RPL7: variants seen among roughly 807,000 people sequenced by gnomAD.
RPL7 encodes the protein large ribosomal subunit protein uL30.
For synonymous variants in RPL7, 100 were observed against 102.2 expected (o/e 0.98, Z 0.13); for missense variants, 205 against 301.9 (o/e 0.68, Z 2.38).
chr8:73,291,299 T>C (rs1586181077), intron 5 of RPL7, 47 bp from the exon 6 acceptor site: 2 of 1,463,524 alleles, frequency 1.4e-6, no homozygotes, highest in South Asian at 1.2e-5. Context: ...GCAAAAAGTT[T>C]TGAAATAATT....
chr8:73,293,640 G>A, upstream of RPL7: 3 of 1,613,290 alleles, frequency 1.9e-6, no homozygotes, highest in African/African-American at 1.3e-5. Context: ...GAGGAAGTTG[G>A]CGCATGCGTA....
intron 6 of RPL7, 120 bp from the exon 7 acceptor site, chr8:73,290,825 TAA>T: frequency 1.9e-6 from 1 of 527,094 alleles, no homozygotes; most frequent in Non-Finnish European, 3.4e-6. Context: ...TTTCCATCTT[TAA>T]AGACTCCCCA....
intron 1 of RPL7, 50 bp downstream of exon 1, chr8:73,293,549 C>T: frequency 6.2e-7 from 1 of 1,610,192 alleles, no homozygotes; most frequent in East Asian, 2.2e-5. Flanking sequence ...CAAAAAGTAT[C>T]TGGCTCTGGA....
At chr8:73,292,115 C>T in intron 3 of RPL7, 124 bp downstream of exon 3, 2 of 1,134,528 alleles carry the variant, frequency 1.8e-6, no homozygotes, top group Non-Finnish European at 2.5e-6. Flanking sequence ...TCAGCACCCT[C>T]CTTGTTCTAG....
At chr8:73,293,718 G>A, upstream of RPL7, 2 of 1,462,954 alleles carry the variant, frequency 1.4e-6, no homozygotes, top group South Asian at 2.5e-5. Context: ...AGCCGGAAAA[G>A]AATCCAGAAC....
At chr8:73,290,787 T>C (rs368866004) in intron 6 of RPL7, 82 bp from the exon 7 acceptor site, 14 of 437,144 alleles carry the variant, frequency 3.2e-5, no homozygotes, top group Middle Eastern at 6.1e-4. Context: ...AAAGTAATGA[T>C]TGAGTTTACA....
intron 4 of RPL7, 35 bp downstream of exon 4, chr8:73,291,738 T>C (rs1563543142): frequency 6.3e-7 from 1 of 1,592,442 alleles, no homozygotes; most frequent in Non-Finnish European, 8.6e-7. Context: ...ATAACCAATT[T>C]ATCAAATAGA....
chr8:73,292,174 G>A (rs1025872626), intron 3 of RPL7, 65 bp downstream of exon 3: 6 of 1,430,722 alleles, frequency 4.2e-6, no homozygotes, highest in Non-Finnish European at 4.8e-6. Context: ...AGGGCTCCCA[G>A]AAGTAATGTG....
upstream of RPL7, chr8:73,294,014 C>T: frequency 5.5e-6 from 1 of 183,014 alleles, no homozygotes; most frequent in South Asian, 8.5e-5. Context: ...AGGGCAACGG[C>T]TGACCAGGAC....
intron 3 of RPL7, 91 bp from the exon 4 acceptor site, chr8:73,292,001 TAAACAGATAGG>T: frequency 6.7e-7 from 1 of 1,491,180 alleles, no homozygotes. Flanking sequence ...GAATCCTACC[TAAACAGATAGG>T]AATCCTCTCA....
rs779065948 is a variant in RPL7, at chr8:73,292,686, T to C, written c.123+3A>G. 6 of 1,607,856 alleles carry C rather than the reference T, an allele frequency of 3.7e-6. No homozygotes were observed. The highest frequency in any genetic ancestry group is 1.3e-5 in the African/African-American group (1 of 74,362). ...GTGCTAGTGCCTCAAAAAGTTTACT[T>C]ACCATCTTTTGGGCAAACTTCTTTC... On this transcript the variant is annotated splice_donor_region_variant and intron_variant, in intron 2 of 6. Transcript: ENST00000352983.
rs761402110 is a variant in RPL7 at position 73,291,764 on chromosome 8, G to A, written c.428+9C>T. Reference sequence around the variant, plus strand: ...ATCAAATAGAAATCAAAGGAGAAAAGAGACTTACCCCCATGCAATATATGG... The same window carrying A: ...ATCAAATAGAAATCAAAGGAGAAAAAAGACTTACCCCCATGCAATATATGG... On this transcript the variant is annotated intron_variant, in intron 4 of 6. Transcript: ENST00000352983. 6.3e-7 allele frequency: 1 copy of A among 1,597,862 alleles called. No individual in the cohort carries two copies. The highest frequency in any genetic ancestry group is 1.7e-5 in the Admixed American group (1 of 59,622).
chr8:73,292,557 A>C, intron 2 of RPL7, 132 bp downstream of exon 2: 1 of 1,008,846 alleles, frequency 9.9e-7, no homozygotes, highest in Admixed American at 2.4e-5. Flanking sequence ...CACTACCTTC[A>C]GATTGTAACA....
chr8:73,291,119 G>A lies in RPL7; in HGVS notation c.672C>T (p.Thr224=). ...SSPRGGMKKK[T]THFVEGGDAG... Reference sequence around the variant, plus strand: ...CATCTCCACCTTCTACAAAATGGGTGGTCTTTTTCTTCATTCCACCTCGTG... The same window carrying A: ...CATCTCCACCTTCTACAAAATGGGTAGTCTTTTTCTTCATTCCACCTCGTG... The change falls in exon 6 of 7, where the codon ACC becomes ACT. Residue 224 remains threonine (T), a synonymous_variant. Coordinates refer to ENST00000352983, the MANE Select transcript of RPL7 (RefSeq NM_000971.4). 1 of 1,607,456 alleles carries A rather than the reference G, an allele frequency of 6.2e-7. No individual in the cohort carries two copies. Among genetic ancestry groups the A allele is most frequent in the Non-Finnish European group, 8.5e-7 (1 of 1,175,044 alleles).
chr8:73,293,522 A>G (rs112932089), intron 1 of RPL7, 77 bp downstream of exon 1: 6 of 1,569,586 alleles, frequency 3.8e-6, no homozygotes, highest in Admixed American at 3.4e-5. Context: ...CTACGGCCAG[A>G]GAGAGAAAAA....
intron 6 of RPL7, 150 bp downstream of exon 6, chr8:73,290,893 T>G: frequency 1.5e-6 from 1 of 648,360 alleles, no homozygotes; most frequent in South Asian, 2.0e-5. Flanking sequence ...ACAAACCAAC[T>G]GTAATCATTA....
chr8:73,291,596 T>G lies in RPL7; in HGVS notation c.494A>C (p.Lys165Thr). The change falls in exon 5 of 7, where the codon AAG becomes ACG. Residue 165 changes from lysine (K) to threonine (T), a missense_variant. Transcript: ENST00000352983. Reference sequence around the variant, plus strand: ...AGCGTTATCTGTCAAAGCAATTCGCTTCTTATTGATTTTGCCATAACCACG... The same window carrying G: ...AGCGTTATCTGTCAAAGCAATTCGCGTCTTATTGATTTTGCCATAACCACG... ...YKRGYGKINKKRIALTDNALI... is the reference protein window; with the variant it reads ...YKRGYGKINKTRIALTDNALI... 1.3e-6 allele frequency: 2 copies of G among 1,599,098 alleles called. No homozygotes were observed. Among genetic ancestry groups the G allele is most frequent in the Non-Finnish European group, 1.7e-6 (2 of 1,167,916 alleles).
In RPL7 at chr8:73,293,003, T is replaced by A. The variant is rs576915836; in HGVS notation, c.15-206A>T. On this transcript the variant is annotated intron_variant, in intron 1 of 6. Coordinates refer to ENST00000352983, the MANE Select transcript of RPL7 (RefSeq NM_000971.4). Reference sequence around the variant, plus strand: ...TAACACCATGTTGCCTAAAACGCAATCACAAATATGACAATAGCAATACGT... The same window carrying A: ...TAACACCATGTTGCCTAAAACGCAAACACAAATATGACAATAGCAATACGT... The A allele has an allele frequency of 2.6e-4, 109 of 421,642 alleles. 1 individual carries two copies. In the South Asian group the frequency reaches 7.2e-3, roughly 28 times the overall value. The allele number at this position is 421,642 out of a possible 1,614,324, so 26.1% of individuals were successfully genotyped here. A position where few individuals can be genotyped will look rare whatever the true frequency, so the allele number is the denominator to read the frequency against.
In RPL7 at chr8:73,292,735, G is replaced by A. The variant is rs1240789080; in HGVS notation, c.77C>T (p.Ala26Val). Residue 26 changes from alanine to valine, a missense_variant, in exon 2 of 7, where the codon GCA (alanine) becomes GTA (valine). By Grantham distance (64) the Ala-to-Val change is moderately conservative (BLOSUM62 0). Transcript: ENST00000352983. Reference protein sequence around the residue: ...ETLKKKRRNFAELKIKRLRKK... With the variant: ...ETLKKKRRNFVELKIKRLRKK... ...TCTCAGGCGCTTGATCTTCAGCTCT[G>A]CGAAATTCCTTCGCTTTTTCTTAAG... 7 of 1,613,802 alleles carry A rather than the reference G, an allele frequency of 4.3e-6. No individual in the cohort carries two copies. Among genetic ancestry groups the A allele is most frequent in the Non-Finnish European group, 5.9e-6 (7 of 1,179,938 alleles).
Sources: gnomAD v4.1 joint callset for allele counts on GRCh38, gnomAD v4.1.1 for gene constraint, MANE v1.5 for transcripts, NCBI Gene and HGNC (gene_info 2026-07-23, HGNC 2026-07-21) for gene names.